Variants in PTCH1 observed in about 807,000 individuals in gnomAD.
PTCH1 encodes the protein protein patched homolog 1.
In PTCH1, 14 loss-of-function variants were observed where a neutral mutation model predicts 144.6. The observed-to-expected ratio is 0.10, with a 90% confidence interval of 0.06 to 0.15. PTCH1 has a LOEUF of 0.15. PTCH1 is among the 10% of genes least tolerant of loss of function. PTCH1 has a pLI of 1.00. For synonymous variants in PTCH1, 833 were observed against 793.6 expected (o/e 1.05, Z -0.83); for missense variants, 1,623 against 1,948.3 (o/e 0.83, Z 3.14).
rs767225445 is a variant in PTCH1 at position 95,459,662 on chromosome 9, C to T, written c.2825G>A (p.Arg942Gln). The T allele has an allele frequency of 3.1e-6, 5 of 1,614,134 alleles. No homozygotes were observed. The highest frequency in any genetic ancestry group is 3.4e-6 in the Non-Finnish European group (4 of 1,180,038). Reference sequence around the variant, plus strand: ...GTGGACCCATTCTGGTCGGTGTGGCCGGATGTTGGCCTGGGAGGCAGCATA... The same window carrying T: ...GTGGACCCATTCTGGTCGGTGTGGCTGGATGTTGGCCTGGGAGGCAGCATA... Reference protein sequence around the residue: ...VAYAASQANIRPHRPEWVHDK... With the variant: ...VAYAASQANIQPHRPEWVHDK... The change falls in exon 17 of 24, where the codon CGG (arginine) becomes CAG (glutamine). Residue 942 changes from arginine to glutamine, a missense_variant. By Grantham distance (43) the Arg-to-Gln change is conservative (BLOSUM62 1). This residue lies in a region of PTCH1 where 504 missense variants were observed against 679.3 expected (regional missense o/e 0.74). Coordinates refer to ENST00000331920, the MANE Select transcript of PTCH1 (RefSeq NM_000264.5).
At chr9:95,467,559 C>T (rs1450701515) in intron 14 of PTCH1, 134 bp from the exon 15 acceptor site, 7 of 865,108 alleles carry the variant, frequency 8.1e-6, no homozygotes, top group Non-Finnish European at 1.3e-5. Context: ...GGTTGTTCTC[C>T]CATAGGAAAA....
In PTCH1 at chr9:95,476,139, C is replaced by G. The variant is rs1841016910; in HGVS notation, c.1623G>C (p.Leu541=). ...GGGCCACGCTGGCTCCTGTGCGCTT[C>G]AGGCACTCCCCGGTCCTGTCCTGGG... ...IPFEDRTGEC[L]KRTGASVALT... The change falls in exon 12 of 24, where the codon CTG becomes CTC. Residue 541 remains leucine (L), a synonymous_variant. Transcript: ENST00000331920. This position sits in a 1 kb window ranked among gnomAD's most constrained non-coding sequence, Gnocchi z 4.6. 6.2e-7 allele frequency: 1 copy of G among 1,613,068 alleles called. No homozygotes were observed. Among genetic ancestry groups the G allele is most frequent in the Non-Finnish European group, 8.5e-7 (1 of 1,179,602 alleles).
intron 12 of PTCH1, among the ~76,000 whole-genome samples, chr9:95,475,508 C>A (rs1365651342): frequency 1.3e-5 from 2 of 152,216 alleles, no homozygotes; most frequent in South Asian, 2.1e-4. Flanking sequence ...GCAGGAAATT[C>A]TCCACAGAGC....
At chr9:95,489,097 A>G (rs58048479) in intron 2 of PTCH1, among the ~76,000 whole-genome samples, 7,028 of 152,312 alleles carry the variant, frequency 0.046, 539 homozygotes, top group African/African-American at 0.16. Flanking sequence ...GTATTGACCC[A>G]AGGCACTCTG....
intron 2 of PTCH1, among the ~76,000 whole-genome samples, chr9:95,501,079 T>C (rs1006081367): frequency 6.6e-6 from 1 of 152,248 alleles, no homozygotes; most frequent in Non-Finnish European, 1.5e-5. Flanking sequence ...ATCTCTGCAA[T>C]GCATTGTAGC....
At chr9:95,500,897 A>G (rs1005984996) in intron 2 of PTCH1, among the ~76,000 whole-genome samples, 1 of 152,226 alleles carries the variant, frequency 6.6e-6, no homozygotes, top group African/African-American at 2.4e-5. Flanking sequence ...ACCCCCCACC[A>G]AAAGGTACCC....
In PTCH1 at chr9:95,484,601, C is replaced by T. The variant is rs578190877; in HGVS notation, c.584+1084G>A. The stretch of plus-strand genomic sequence containing the variant: ...CCTCACCTCTTCCAGGAAAAATAAA[C>T]AGTACTAACAAAGGCCTCAGTGAAG... On this transcript the variant is annotated intron_variant, in intron 3 of 23. Coordinates refer to ENST00000331920, the MANE Select transcript of PTCH1 (RefSeq NM_000264.5). Among the ~76,000 whole-genome samples the T allele has an allele frequency of 4.6e-5, 7 of 152,286 alleles. No individual in the cohort carries two copies. The East Asian group carries it at 9.6e-4, about 21-fold the overall frequency.
rs186576872 is a variant in PTCH1 at position 95,482,338 on chromosome 9, T to C, written c.585-135A>G. 259 of 861,698 alleles carry C rather than the reference T, an allele frequency of 3.0e-4. 1 individual carries two copies. In the East Asian group the frequency reaches 6.1e-3, roughly 20 times the overall value. The allele number at this position is 861,698 out of a possible 1,614,324, so 53.4% of individuals were successfully genotyped here. On this transcript the variant is annotated intron_variant, in intron 3 of 23. Transcript: ENST00000331920. ...GCATCTGTCAAAACGAGCAGAGCTT[T>C]TGCCAAGTAGAGACCCAGCAAGCTT...
intron 2 of PTCH1, among the ~76,000 whole-genome samples, chr9:95,491,568 G>C (rs942412992): frequency 1.3e-5 from 2 of 152,180 alleles, no homozygotes; most frequent in South Asian, 4.1e-4. Context: ...TGCAGAGTTT[G>C]GGTGGCTTGC....
intron 2 of PTCH1, among the ~76,000 whole-genome samples, chr9:95,500,726 C>A (rs747413358): frequency 6.6e-6 from 1 of 152,168 alleles, no homozygotes; most frequent in Admixed American, 6.5e-5. Flanking sequence ...AATGAGACCA[C>A]CAAGGAGTTC....
In PTCH1 at chr9:95,447,176, G is replaced by A. The variant is rs62637631; in HGVS notation, c.4080C>T (p.Ser1360=). 6.2e-3 allele frequency: 10,041 copies of A among 1,613,082 alleles called. 36 individuals carry two copies. The highest frequency in any genetic ancestry group is 7.9e-3 in the Non-Finnish European group (9,274 of 1,179,926). ...RNPASTAMGS[S]VPGYCQPITT... ...TGATGGGCTGGCAGTAGCCGGGCAC[G>A]GAGCTGCCCATGGCAGTGGACGCTG... The change falls in exon 23 of 24, where the codon TCC becomes TCT. Residue 1360 remains serine (S), a synonymous_variant. Transcript: ENST00000331920.
intron 19 of PTCH1, among the ~76,000 whole-genome samples, chr9:95,455,320 T>C (rs1033693752): frequency 6.6e-6 from 1 of 152,252 alleles, no homozygotes; most frequent in Non-Finnish European, 1.5e-5. Context: ...GCATGTGCCA[T>C]GTGCTGAGCC....
intron 8 of PTCH1, 27 bp downstream of exon 8, chr9:95,478,973 T>G: frequency 6.2e-7 from 1 of 1,614,156 alleles, no homozygotes; most frequent in South Asian, 1.1e-5. Flanking sequence ...CCAGCGAGTC[T>G]GCACGCCGAT....
At chr9:95,495,213 C>G (rs1369028454) in intron 2 of PTCH1, 1 of 152,172 alleles carries the variant, frequency 6.6e-6, no homozygotes, top group Non-Finnish European at 1.5e-5. Context: ...AGTTTCATCA[C>G]CGGGTCAGCA....
At chr9:95,485,367 C>CA (rs1209674331) in intron 3 of PTCH1, among the ~76,000 whole-genome samples, 1 of 152,092 alleles carries the variant, frequency 6.6e-6, no homozygotes, top group Non-Finnish European at 1.5e-5. Context: ...TATCACTCTC[C>CA]AAAAATCTCT....
intron 12 of PTCH1, among the ~76,000 whole-genome samples, chr9:95,475,316 G>A (rs139737358): frequency 8.5e-5 from 13 of 152,286 alleles, no homozygotes; most frequent in African/African-American, 3.1e-4. Context: ...TCTGGAAGGA[G>A]AGGACAAGTC....
rs1060502284 is a variant in PTCH1 at position 95,506,472 on chromosome 9, C to G, written c.329G>C (p.Gly110Ala). The change falls in exon 2 of 24, where the codon GGG becomes GCG. Residue 110 changes from glycine to alanine, a missense_variant. Transcript: ENST00000331920. ...TGCTTTTAATCCCACCGCGAAGGCC[C>G]CAAATATGAGGAGGCCCACAACCAA... ...KFLVVGLLIF[G>A]AFAVGLKAAN... 10 of 1,613,474 alleles carry G rather than the reference C, an allele frequency of 6.2e-6. No individual in the cohort carries two copies. Among genetic ancestry groups the G allele is most frequent in the Non-Finnish European group, 8.5e-6 (10 of 1,179,792 alleles).
chr9:95,443,767 T>C lies in PTCH1; in HGVS notation c.*2626A>G, dbSNP rs1482340993. On this transcript the variant is annotated 3_prime_UTR_variant, in exon 24 of 24. Coordinates refer to ENST00000331920, the MANE Select transcript of PTCH1 (RefSeq NM_000264.5). ...TGTACACTACAAAAATAAATCTTCA[T>C]ATAAATAAATTATATGGCATACTTT... The C allele has an allele frequency of 1.3e-5, 2 of 152,650 alleles. No individual in the cohort carries two copies. Among genetic ancestry groups the C allele is most frequent in the African/African-American group, 4.8e-5 (2 of 41,446 alleles). The allele number at this position is 152,650 out of a possible 1,614,324, so 9.5% of individuals were successfully genotyped here.
chr9:95,469,583 A>G (rs966438481), intron 13 of PTCH1, among the ~76,000 whole-genome samples: 1 of 152,214 alleles, frequency 6.6e-6, no homozygotes, highest in Admixed American at 6.5e-5. Context: ...GGTCATCGGA[A>G]CCAGCATCTT....
Sources: gnomAD v4.1 joint callset for allele counts (sites outside exome capture counted in the v4.1 genomes callset) on GRCh38, gnomAD v4.1.1 for gene constraint, gnomAD v4.1.1 regional missense constraint, Gnocchi (gnomAD v3.1) non-coding constraint, MANE v1.5 for transcripts, NCBI Gene and HGNC (gene_info 2026-07-23, HGNC 2026-07-21) for gene names.